The following EMCN variants were observed in gnomAD, a reference collection of about 807,000 sequenced individuals.
EMCN encodes MUC-14.
EMCN carries 37 observed loss-of-function variants against 38.4 expected under a neutral mutation model. That is an observed-to-expected ratio of 0.96 (90% confidence interval 0.74 to 1.27). The LOEUF is 1.27. Among genes scored for constraint, EMCN ranks in the 50% most tolerant of loss-of-function variants. The pLI is 0.00. For missense variants in EMCN, 318 were observed against 302.8 expected, an observed-to-expected ratio of 1.05 and a Z score of -0.37; for synonymous variants, 95 against 100.8, an observed-to-expected ratio of 0.94 and a Z score of 0.35.
chr4:100,419,918 G>A (rs770763436), intron 8 of EMCN, among the ~76,000 whole-genome samples: 2 of 152,060 alleles, frequency 1.3e-5, no homozygotes, highest in Non-Finnish European at 2.9e-5. Context: ...TGGTGAGCAG[G>A]TGGCTTTAGG....
intron 5 of EMCN, among the ~76,000 whole-genome samples, chr4:100,429,478 A>G (rs1727140159): frequency 6.6e-6 from 1 of 152,106 alleles, no homozygotes; most frequent in Admixed American, 6.6e-5. Flanking sequence ...CCTTCGGATG[A>G]TGCAAATTAA....
At chr4:100,446,730 C>T (rs1479805790) in intron 5 of EMCN, among the ~76,000 whole-genome samples, 4 of 152,098 alleles carry the variant, frequency 2.6e-5, no homozygotes, top group Non-Finnish European at 5.9e-5. Flanking sequence ...TAATGCTCCT[C>T]TCCCTCCTCC....
chr4:100,442,209 A>G (rs904562354), intron 5 of EMCN, among the ~76,000 whole-genome samples: 1 of 152,206 alleles, frequency 6.6e-6, no homozygotes, highest in African/African-American at 2.4e-5. Context: ...CTTTAAATAT[A>G]TTATTCAATC....
At chr4:100,474,155 A>G (rs1230616041) in intron 3 of EMCN, 1 of 152,204 alleles carries the variant, frequency 6.6e-6, no homozygotes, top group East Asian at 1.9e-4. Flanking sequence ...AACTCTTGCA[A>G]CTCGACAATA....
chr4:100,457,670 T>C (rs113182701), intron 4 of EMCN, among the ~76,000 whole-genome samples: 24 of 152,312 alleles, frequency 1.6e-4, no homozygotes, highest in African/African-American at 5.5e-4. Context: ...AGATGTCTAA[T>C]CCTCTTAATG....
chr4:100,405,949 T>C lies in EMCN; in HGVS notation c.*39+4333A>G, dbSNP rs150096181. On this transcript the variant is annotated intron_variant, in intron 11 of 11. Transcript: ENST00000296420. The stretch of plus-strand genomic sequence containing the variant: ...GTTTCAATTTATTCCTGGTTCAATC[T>C]TGGGACGTTGTATTTTTCCAGGAAT... Among the ~76,000 whole-genome samples, 270 of 152,230 alleles carry C rather than the reference T, an allele frequency of 1.8e-3. 1 individual carries two copies. Among genetic ancestry groups the C allele is most frequent in the African/African-American group, 6.3e-3 (262 of 41,558 alleles).
intron 1 of EMCN, among the ~76,000 whole-genome samples, chr4:100,512,290 T>A (rs527243764): frequency 6.6e-6 from 1 of 152,178 alleles, no homozygotes; most frequent in Non-Finnish European, 1.5e-5. Flanking sequence ...TTTCTTATGG[T>A]TGCCCCAAAT....
chr4:100,514,933 C>A (rs1188348619), intron 1 of EMCN, among the ~76,000 whole-genome samples: 1 of 152,084 alleles, frequency 6.6e-6, no homozygotes, highest in Non-Finnish European at 1.5e-5. Flanking sequence ...CTCTCTCCCC[C>A]ACTTCTACGG....
At chr4:100,405,668 T>C (rs1206573378) in intron 11 of EMCN, among the ~76,000 whole-genome samples, 1 of 152,120 alleles carries the variant, frequency 6.6e-6, no homozygotes, top group African/African-American at 2.4e-5. Flanking sequence ...TCATCAGAGA[T>C]ATTGGCCTGA....
At chr4:100,429,743 A>G (rs111636287) in intron 5 of EMCN, among the ~76,000 whole-genome samples, 3 of 152,082 alleles carry the variant, frequency 2.0e-5, no homozygotes, top group Non-Finnish European at 4.4e-5. Context: ...AAAATTATAT[A>G]TGATAAGAGT....
At chr4:100,435,494 T>C (rs1353453528) in intron 5 of EMCN, among the ~76,000 whole-genome samples, 2 of 152,050 alleles carry the variant, frequency 1.3e-5, no homozygotes, top group Non-Finnish European at 2.9e-5. Flanking sequence ...TAAACTACTA[T>C]TGACATTCTT....
chr4:100,435,459 T>A (rs1401276478), intron 5 of EMCN, among the ~76,000 whole-genome samples: 4 of 152,156 alleles, frequency 2.6e-5, no homozygotes, highest in Non-Finnish European at 5.9e-5. Flanking sequence ...CCCAAAGTAA[T>A]TTATAGATTC....
At chr4:100,404,496 G>T (rs1014741459) in intron 11 of EMCN, among the ~76,000 whole-genome samples, 57 of 151,966 alleles carry the variant, frequency 3.8e-4, no homozygotes, top group Non-Finnish European at 7.8e-4. Flanking sequence ...AGTTACTGTA[G>T]CCTTGTAGTA....
At chr4:100,409,319 C>T (rs576267394) in intron 11 of EMCN, among the ~76,000 whole-genome samples, 16 of 152,202 alleles carry the variant, frequency 1.1e-4, no homozygotes, top group African/African-American at 3.9e-4. Flanking sequence ...TTAATCAATA[C>T]TTCTTGTAAC....
chr4:100,411,211 C>A (rs1425673386), intron 10 of EMCN, among the ~76,000 whole-genome samples: 2 of 152,146 alleles, frequency 1.3e-5, no homozygotes, highest in Non-Finnish European at 2.9e-5. Context: ...ATTCAAGACT[C>A]CTCTTCAAGA....
intron 11 of EMCN, among the ~76,000 whole-genome samples, chr4:100,404,359 G>T (rs1452022188): frequency 6.6e-6 from 1 of 152,078 alleles, no homozygotes; most frequent in African/African-American, 2.4e-5. Context: ...AGATGAGATG[G>T]TTATACGTGT....
At chr4:100,406,883 G>T (rs745940685) in intron 11 of EMCN, among the ~76,000 whole-genome samples, 1 of 152,098 alleles carries the variant, frequency 6.6e-6, no homozygotes, top group Admixed American at 6.5e-5. Flanking sequence ...AAGACTAAAA[G>T]AATTTGTTTT....
chr4:100,503,619 C>T (rs538721319), intron 1 of EMCN, among the ~76,000 whole-genome samples: 32 of 152,084 alleles, frequency 2.1e-4, no homozygotes, highest in Non-Finnish European at 3.7e-4. Context: ...TGCTCTGTCA[C>T]CCAGGCTGGA....
chr4:100,403,164 C>T (rs965619388), intron 11 of EMCN, among the ~76,000 whole-genome samples: 8 of 152,044 alleles, frequency 5.3e-5, no homozygotes, highest in Admixed American at 1.3e-4. Flanking sequence ...GGCGTTCAGA[C>T]CATTTTATCA....
Sources: allele counts gnomAD v4.1 joint callset (sites outside exome capture counted in the v4.1 genomes callset), GRCh38; gene constraint gnomAD v4.1.1; transcripts MANE v1.5; gene names NCBI Gene and HGNC (gene_info 2026-07-23, HGNC 2026-07-21).